Variants in CDH13 observed in about 807,000 individuals in gnomAD.
CDH13 encodes the protein cadherin 13, also known as cadherin-13.
Under a neutral mutation model 63.8 loss-of-function variants are expected in CDH13, and 24 were observed. That is an observed-to-expected ratio of 0.38 (90% CI 0.27 to 0.53). The LOEUF (loss-of-function observed/expected upper bound fraction) is 0.53, where lower values mean the gene tolerates loss of function less well. Among genes scored for constraint, CDH13 ranks in the 20% least tolerant of loss-of-function variants. The pLI is 0.85. For missense variants in CDH13, 1,049 were observed against 903.1 expected (o/e 1.16, Z -2.07); for synonymous variants, 503 against 355.3 (o/e 1.42, Z -4.67).
At chr16:83,667,242 A>C (rs978333531) in intron 8 of CDH13, among the ~76,000 whole-genome samples, 50 of 152,170 alleles carry the variant, frequency 3.3e-4, no homozygotes, top group African/African-American at 1.2e-3. Context: ...TTTCCATTCT[A>C]CTTGAATTCA....
chr16:82,683,065 T>C (rs902083087), intron 1 of CDH13, among the ~76,000 whole-genome samples: 1 of 152,234 alleles, frequency 6.6e-6, no homozygotes, highest in Admixed American at 6.5e-5. Context: ...TGGAGCTTAG[T>C]GTTCTCAGCT....
At chr16:82,965,984 T>G (rs373571459) in intron 2 of CDH13, among the ~76,000 whole-genome samples, 175 of 152,304 alleles carry the variant, frequency 1.1e-3, no homozygotes, top group African/African-American at 4.0e-3. Context: ...AAAATATCCC[T>G]GTCAGCCAAT....
At chr16:83,578,508 C>T (rs1251748622) in intron 7 of CDH13, among the ~76,000 whole-genome samples, 2 of 152,164 alleles carry the variant, frequency 1.3e-5, no homozygotes, top group Non-Finnish European at 2.9e-5. Flanking sequence ...AGGTCACATT[C>T]CACAGGAAGC....
intron 12 of CDH13, among the ~76,000 whole-genome samples, chr16:83,780,972 A>G (rs1428611655): frequency 6.6e-6 from 1 of 152,218 alleles, no homozygotes; most frequent in Non-Finnish European, 1.5e-5. Flanking sequence ...GAATCTTTAT[A>G]GTCTTCAACC....
intron 10 of CDH13, among the ~76,000 whole-genome samples, chr16:83,724,700 G>A (rs1208329631): frequency 6.6e-6 from 1 of 152,160 alleles, no homozygotes; most frequent in Non-Finnish European, 1.5e-5. Context: ...CTCTCTCCTA[G>A]ACACCTGTAT....
At chr16:82,779,838 TG>T (rs2035668015) in intron 1 of CDH13, among the ~76,000 whole-genome samples, 1 of 146,704 alleles carries the variant, frequency 6.8e-6, no homozygotes, top group Non-Finnish European at 1.5e-5. Flanking sequence ...GAGGGAAAGG[TG>T]GGAGGTCATG....
intron 6 of CDH13, among the ~76,000 whole-genome samples, chr16:83,450,573 T>G (rs1328534854): frequency 6.6e-6 from 1 of 152,178 alleles, no homozygotes; most frequent in African/African-American, 2.4e-5. Flanking sequence ...AGTTGTGTGT[T>G]AAATTTGATA....
intron 1 of CDH13, among the ~76,000 whole-genome samples, chr16:82,713,752 T>C (rs894216189): frequency 6.7e-6 from 1 of 148,832 alleles, no homozygotes; most frequent in Non-Finnish European, 1.5e-5. Flanking sequence ...GGTCTCTGAC[T>C]AATTCTATGA....
chr16:83,699,304 C>A (rs1181831108), intron 10 of CDH13, among the ~76,000 whole-genome samples: 1 of 152,210 alleles, frequency 6.6e-6, no homozygotes, highest in African/African-American at 2.4e-5. Flanking sequence ...AATATTCCTG[C>A]ATTTGTTCAA....
chr16:83,284,254 CAGG>C (rs1005158693), intron 5 of CDH13, among the ~76,000 whole-genome samples: 3 of 152,148 alleles, frequency 2.0e-5, no homozygotes, highest in African/African-American at 4.8e-5. Context: ...AGAGACCACT[CAGG>C]AGAAGAATCT....
chr16:83,146,441 T>A (rs1488807223), intron 4 of CDH13, among the ~76,000 whole-genome samples: 1 of 151,932 alleles, frequency 6.6e-6, no homozygotes, highest in Non-Finnish European at 1.5e-5. Context: ...ATCTCTGCAA[T>A]TTGTTTGGTC....
At chr16:82,886,673 G>A (rs934136065) in intron 2 of CDH13, among the ~76,000 whole-genome samples, 1 of 151,690 alleles carries the variant, frequency 6.6e-6, no homozygotes, top group African/African-American at 2.4e-5. Flanking sequence ...TATGAAAATT[G>A]GACACCGGCT....
At chr16:83,102,965 T>TTTTTTTTGTTTTTTTTTTC (rs2034570357) in intron 3 of CDH13, among the ~76,000 whole-genome samples, 1 of 107,836 alleles carries the variant, frequency 9.3e-6, no homozygotes, top group Non-Finnish European at 1.8e-5. Context: ...TTTTTTTTTT[T>TTTTTTTTGTTTTTTTTTTC]TTTTTGAGGT....
At chr16:83,743,748 CT>C (rs67886035) in intron 10 of CDH13, among the ~76,000 whole-genome samples, 11 of 76,264 alleles carry the variant, frequency 1.4e-4, no homozygotes, top group African/African-American at 6.1e-4. Flanking sequence ...TTTCTTTTTT[CT>C]TTTTTTTTTT....
intron 10 of CDH13, among the ~76,000 whole-genome samples, chr16:83,723,698 T>C (rs3784961): frequency 0.41 from 61,841 of 152,102 alleles, 12,825 homozygotes; most frequent in South Asian, 0.44. Flanking sequence ...GTGTTAACTA[T>C]TTTTATGATC....
At chr16:83,768,582 A>G (rs561124945) in intron 11 of CDH13, among the ~76,000 whole-genome samples, 2 of 152,336 alleles carry the variant, frequency 1.3e-5, no homozygotes, top group African/African-American at 4.8e-5. Context: ...TTATTAGGAA[A>G]GTAAAGGAAT....
intron 2 of CDH13, among the ~76,000 whole-genome samples, chr16:82,949,871 G>A (rs759513400): frequency 1.3e-5 from 2 of 152,040 alleles, no homozygotes; most frequent in Non-Finnish European, 2.9e-5. Flanking sequence ...AGGATCCTGA[G>A]TTCAAGATCC....
intron 13 of CDH13, among the ~76,000 whole-genome samples, chr16:83,786,865 G>A (rs2151015731): frequency 6.6e-6 from 1 of 152,276 alleles, no homozygotes; most frequent in East Asian, 1.9e-4. Flanking sequence ...TAGGATTACA[G>A]GTGTGAGCCA....
At chr16:83,531,667 G>C (rs987207933) in intron 7 of CDH13, among the ~76,000 whole-genome samples, 1 of 152,164 alleles carries the variant, frequency 6.6e-6, no homozygotes, top group African/African-American at 2.4e-5. Flanking sequence ...GAAGAAGAGG[G>C]AGGAGGCAAT....
Sources: allele counts gnomAD v4.1 joint callset (sites outside exome capture counted in the v4.1 genomes callset), GRCh38; gene constraint gnomAD v4.1.1; transcripts MANE v1.5; gene names NCBI Gene and HGNC (gene_info 2026-07-23, HGNC 2026-07-21).